The following SAP130 variants were observed in gnomAD, a reference collection of about 807,000 sequenced individuals.
The protein encoded by SAP130 is histone deacetylase complex subunit SAP130.
SAP130 carries 16 observed loss-of-function variants against 103.2 expected under a neutral mutation model. That is an observed-to-expected ratio of 0.16 (90% CI 0.10 to 0.24). The LOEUF (loss-of-function observed/expected upper bound fraction) is 0.24. SAP130 is among the 10% of genes least tolerant of loss of function. The pLI, the probability that SAP130 is intolerant of heterozygous loss-of-function variation, is 1.00. For synonymous variants in SAP130, 477 were observed against 497.0 expected, an observed-to-expected ratio of 0.96 and a Z score of 0.53; for missense variants, 990 against 1,359.7, an observed-to-expected ratio of 0.73 and a Z score of 4.28.
chr2:128,004,364 T>G (rs1683810372), intron 7 of SAP130, among the ~76,000 whole-genome samples: 2 of 100,058 alleles, frequency 2.0e-5, no homozygotes, highest in Non-Finnish European at 3.4e-5. Flanking sequence ...TTCTTTCCTT[T>G]TTTTTTTTTT....
Position 128,027,932 on chromosome 2 carries a change from G to A in SAP130, c.-7+8C>T. ...CCCTTCCCTCCCGGGCGCCCGTCCC[G>A]CCATTACCTGGGTGCTGCGCCCAGT... is the stretch of plus-strand genomic sequence containing the variant. On this transcript the variant is annotated splice_region_variant and intron_variant, in intron 1 of 20. Transcript: ENST00000643581. 2.0e-6 allele frequency: 2 copies of A among 984,624 alleles called. No individual in the cohort carries two copies. The highest frequency in any genetic ancestry group is 6.2e-5 in the Admixed American group (1 of 16,194). 61.0% of individuals were successfully genotyped at this position (984,624 alleles called of 1,614,324 possible).
rs887216926 is a variant in SAP130, at chr2:127,960,657, T to C, written c.2064-5313A>G. ...AAGTTTTTTTGTTTGGAATTAGTAATGCATTCACATGTTTCAAACGATATA... is the reference window on the plus strand; with the variant it reads ...AAGTTTTTTTGTTTGGAATTAGTAACGCATTCACATGTTTCAAACGATATA... On this transcript the variant is annotated intron_variant, in intron 15 of 20. Coordinates refer to ENST00000643581, the MANE Select transcript of SAP130 (RefSeq NM_001330301.2). Among the ~76,000 whole-genome samples, 5 of 152,350 alleles carry C rather than the reference T, an allele frequency of 3.3e-5. No homozygotes were observed. The East Asian group carries it at 9.6e-4, about 29-fold the overall frequency.
Position 127,950,222 on chromosome 2 carries a change from G to C in SAP130, c.2609C>G (p.Ser870Cys). ...METNSTDDEKSTAKSLLVKAE... is the reference protein window; with the variant it reads ...METNSTDDEKCTAKSLLVKAE... ...CTTCACCAGAAGACTCTTGGCAGTG[G>C]ACTTCTCATCATCAGTGCTGTTTGT... is the stretch of plus-strand genomic sequence containing the variant. Residue 870 changes from serine to cysteine, a missense_variant, in exon 17 of 21, where the codon TCC (serine) becomes TGC (cysteine). Around this residue, in one of 6 missense-constraint regions of SAP130, gnomAD observed 61 missense variants for 73.8 expected, o/e 0.83. Coordinates refer to ENST00000643581, the MANE Select transcript of SAP130 (RefSeq NM_001330301.2). 6.8e-6 allele frequency: 11 copies of C among 1,614,188 alleles called. No homozygotes were observed. The highest frequency in any genetic ancestry group is 9.3e-6 in the Non-Finnish European group (11 of 1,180,030).
intron 12 of SAP130, among the ~76,000 whole-genome samples, chr2:127,990,509 T>C (rs773492305): frequency 1.8e-4 from 27 of 152,224 alleles, no homozygotes; most frequent in Non-Finnish European, 3.7e-4. Context: ...TTCAAAGCTA[T>C]TTAAATATCT....
chr2:128,000,229 C>G, intron 8 of SAP130, 78 bp downstream of exon 8: 1 of 1,604,670 alleles, frequency 6.2e-7, no homozygotes, highest in Non-Finnish European at 8.5e-7. Flanking sequence ...TTCGGTATCA[C>G]CAGGCCCTCA....
chr2:127,972,737 A>C (rs573128782), intron 15 of SAP130, among the ~76,000 whole-genome samples: 8 of 152,116 alleles, frequency 5.3e-5, no homozygotes, highest in African/African-American at 1.7e-4. Flanking sequence ...CAGCCTGGGC[A>C]ACAGAGTGAG....
In SAP130 at chr2:128,027,958, G is replaced by GGCC. The variant is rs1176371833; in HGVS notation, c.-28_-26dup. 7.4e-5 allele frequency: 73 copies of GGCC among 985,548 alleles called. No individual in the cohort carries two copies. Among genetic ancestry groups the GGCC allele is most frequent in the Non-Finnish European group, 8.3e-5 (69 of 830,192 alleles). The allele number at this position is 985,548 out of a possible 1,614,324, so 61.1% of individuals were successfully genotyped here. On this transcript the variant is annotated 5_prime_UTR_variant, in exon 1 of 21. Transcript: ENST00000643581. ...CCATTACCTGGGTGCTGCGCCCAGT[G>GGCC]GCCGCCGCGCCGCCTTGAGCTCGCT...
In SAP130 at chr2:127,988,015, C is replaced by T. The variant is rs6741801; in HGVS notation, c.1781-1053G>A. Among the ~76,000 whole-genome samples the T allele has an allele frequency of 7.5e-3, 1,136 of 152,124 alleles. 24 individuals carry two copies. Among genetic ancestry groups the T allele is most frequent in the African/African-American group, 0.026 (1,086 of 41,474 alleles). On this transcript the variant is annotated intron_variant, in intron 13 of 20. Transcript: ENST00000643581. ...TTAAATATGTAGTACACCATCCTAC[C>T]GGGTGGGTCATCATGGGTAAATTGC...
At chr2:128,014,778 T>A in intron 5 of SAP130, 25 bp downstream of exon 5, 2 of 1,520,368 alleles carry the variant, frequency 1.3e-6, no homozygotes, top group Non-Finnish European at 1.8e-6. Flanking sequence ...TTTTGAGAGT[T>A]TGAACAAAAC....
chr2:128,016,372 T>C lies in SAP130; in HGVS notation c.507+17A>G. 6.2e-7 allele frequency: 1 copy of C among 1,603,944 alleles called. No homozygotes were observed. The highest frequency in any genetic ancestry group is 8.5e-7 in the Non-Finnish European group (1 of 1,174,396). On this transcript the variant is annotated intron_variant, in intron 4 of 20. Coordinates refer to ENST00000643581, the MANE Select transcript of SAP130 (RefSeq NM_001330301.2). ...GCATTTCAGTTTGAAAATCAGCAAA[T>C]TAAAAGGAAGAAAAACCTGTTGTCC... is the stretch of plus-strand genomic sequence containing the variant.
chr2:127,989,683 C>T lies in SAP130; in HGVS notation c.1661G>A (p.Gly554Glu), dbSNP rs770313539. The T allele has an allele frequency of 6.2e-7, 1 of 1,614,092 alleles. No homozygotes were observed. The highest frequency in any genetic ancestry group is 1.1e-5 in the South Asian group (1 of 91,080). Reference sequence around the variant, plus strand: ...TGTGCCAAGTGGTGCAGGCTGTATCCCTGGGGTCCCAATGGGGGCCGGCTG... The same window carrying T: ...TGTGCCAAGTGGTGCAGGCTGTATCTCTGGGGTCCCAATGGGGGCCGGCTG... ...GIQPAPIGTP[G>E]IQPAPLGTQG... Residue 554 changes from glycine (G) to glutamate (E), a missense_variant, in exon 13 of 21, where the codon GGG (glycine) becomes GAG (glutamate). Coordinates refer to ENST00000643581, the MANE Select transcript of SAP130 (RefSeq NM_001330301.2). This position sits in a 1 kb window ranked among gnomAD's most constrained non-coding sequence, Gnocchi z 4.6.
At chr2:127,959,042 T>C (rs551417430) in intron 15 of SAP130, among the ~76,000 whole-genome samples, 10 of 152,208 alleles carry the variant, frequency 6.6e-5, no homozygotes, top group South Asian at 6.2e-4. Flanking sequence ...CATGATGGAG[T>C]AGACATACTT....
At chr2:127,997,446 T>G (rs1683250381) in intron 10 of SAP130, among the ~76,000 whole-genome samples, 1 of 152,184 alleles carries the variant, frequency 6.6e-6, no homozygotes. Flanking sequence ...TTACCCTAAA[T>G]GCAGAACATT....
At chr2:127,977,319 G>C (rs1467214508) in intron 15 of SAP130, among the ~76,000 whole-genome samples, 2 of 125,350 alleles carry the variant, frequency 1.6e-5, no homozygotes, top group African/African-American at 3.0e-5. Context: ...GCGAAATCCT[G>C]ACTCTACTTA....
At chr2:128,027,553 G>A (rs1434952375) in intron 1 of SAP130, among the ~76,000 whole-genome samples, 2 of 151,640 alleles carry the variant, frequency 1.3e-5, no homozygotes, top group African/African-American at 4.8e-5. Context: ...GGGTCTGAAA[G>A]CGGCGGGCGC....
At chr2:127,959,192 T>C (rs533539332) in intron 15 of SAP130, among the ~76,000 whole-genome samples, 3 of 152,226 alleles carry the variant, frequency 2.0e-5, no homozygotes, top group Admixed American at 1.3e-4. Context: ...GTCAGTTCCC[T>C]GGATTTGCTT....
intron 15 of SAP130, among the ~76,000 whole-genome samples, chr2:127,966,859 G>T (rs920366438): frequency 6.6e-6 from 1 of 151,770 alleles, no homozygotes; most frequent in Non-Finnish European, 1.5e-5. Flanking sequence ...TTTTTCACTG[G>T]TATTTTAAAA....
In SAP130 at chr2:128,017,745, C is replaced by T. The variant is rs1684873723; in HGVS notation, c.283G>A (p.Val95Met). ...HAVASATPVA[V>M]TAPPAHLTPA... The stretch of plus-strand genomic sequence containing the variant: ...GTCAGGTGTGCTGGCGGGGCTGTCA[C>T]TGCAACAGGTGTGGCTGATGCGACA... The change falls in exon 3 of 21, where the codon GTG becomes ATG. Residue 95 changes from valine (V) to methionine (M), a missense_variant. By Grantham distance (21) the Val-to-Met change is conservative (BLOSUM62 1). Around this residue, in one of 6 missense-constraint regions of SAP130, gnomAD observed 167 missense variants for 187.4 expected, o/e 0.89. Coordinates refer to ENST00000643581, the MANE Select transcript of SAP130 (RefSeq NM_001330301.2). The T allele has an allele frequency of 6.2e-7, 1 of 1,614,076 alleles. No homozygotes were observed.
At chr2:128,011,770 AAGGGGAC>A (rs1368470991) in intron 6 of SAP130, among the ~76,000 whole-genome samples, 1 of 152,188 alleles carries the variant, frequency 6.6e-6, no homozygotes, top group African/African-American at 2.4e-5. Context: ...GAAAGTGCTT[AAGGGGAC>A]AGACCTCCTG....
Sources: allele counts gnomAD v4.1 joint callset (sites outside exome capture counted in the v4.1 genomes callset), GRCh38; gene constraint gnomAD v4.1.1; regional missense constraint gnomAD v4.1.1; non-coding constraint Gnocchi (gnomAD v3.1); transcripts MANE v1.5; gene names NCBI Gene and HGNC (gene_info 2026-07-23, HGNC 2026-07-21).